Variants in PTPN4 observed in about 807,000 individuals in gnomAD.
PTPN4 encodes the protein tyrosine-protein phosphatase non-receptor type 4.
Under a neutral mutation model 135.5 loss-of-function variants are expected in PTPN4, and 49 were observed. The ratio of observed to expected loss-of-function variants is 0.36; its 90% confidence interval spans 0.29 to 0.46. The LOEUF is 0.46. Ranked by LOEUF, PTPN4 falls within the 20% of genes least tolerant of loss-of-function variation. The pLI is 1.00. For missense variants in PTPN4, 860 were observed against 1,101.0 expected (o/e 0.78, Z 3.10); for synonymous variants, 333 against 369.9 (o/e 0.90, Z 1.14).
At chr2:119,931,433 CTTTTTTTTTTTTTT>C (rs1158907026) in intron 13 of PTPN4, among the ~76,000 whole-genome samples, 1 of 83,366 alleles carries the variant, frequency 1.2e-5, no homozygotes, top group Non-Finnish European at 2.4e-5. Flanking sequence ...TTCTTTCTTT[CTTTTTTTTTTTTTT>C]TTTTTTTTTT....
At chr2:119,781,653 CTTTTTAAG>C (rs1690942022) in intron 1 of PTPN4, among the ~76,000 whole-genome samples, 1 of 152,086 alleles carries the variant, frequency 6.6e-6, no homozygotes, top group Non-Finnish European at 1.5e-5. Flanking sequence ...ACTAAGAATG[CTTTTTAAG>C]TTTTTAAGTT....
chr2:119,916,782 C>T (rs1574403112), intron 11 of PTPN4: 1 of 152,310 alleles, frequency 6.6e-6, no homozygotes, highest in African/African-American at 2.4e-5. Context: ...TCTTTACTGT[C>T]TGCCTTCTTT....
intron 1 of PTPN4, among the ~76,000 whole-genome samples, chr2:119,760,713 T>G (rs1690470929): frequency 6.7e-6 from 1 of 148,526 alleles, no homozygotes; most frequent in African/African-American, 2.5e-5. Context: ...ATCTTGAGTT[T>G]TCCATTGCTG....
At chr2:119,953,972 C>A (rs1437721458) in intron 19 of PTPN4, among the ~76,000 whole-genome samples, 1 of 152,192 alleles carries the variant, frequency 6.6e-6, no homozygotes, top group South Asian at 2.1e-4. Context: ...TAAATTGTTT[C>A]ATAGTCAAAA....
intron 1 of PTPN4, among the ~76,000 whole-genome samples, chr2:119,775,183 A>C (rs1419419657): frequency 6.6e-6 from 1 of 151,550 alleles, no homozygotes; most frequent in Non-Finnish European, 1.5e-5. Context: ...AAGGGAGGAA[A>C]AGATAGGCTA....
chr2:119,766,354 T>C (rs961882349), intron 1 of PTPN4, among the ~76,000 whole-genome samples: 1 of 152,182 alleles, frequency 6.6e-6, no homozygotes, highest in Non-Finnish European at 1.5e-5. Flanking sequence ...TAAGGTAAAC[T>C]TAAGAATTCT....
rs1679653366 is a variant in PTPN4, at chr2:119,978,849, C to G, written c.*1779C>G. The G allele has an allele frequency of 2.6e-5, 4 of 152,040 alleles. No homozygotes were observed. The highest frequency in any genetic ancestry group is 9.7e-5 in the African/African-American group (4 of 41,428). 9.4% of individuals were successfully genotyped at this position (152,040 alleles called of 1,614,324 possible). The stretch of plus-strand genomic sequence containing the variant: ...TGGTATAATCTAAACGATGTCATTT[C>G]AGACATTCAAAACTCATAATAATAA... On this transcript the variant is annotated 3_prime_UTR_variant, in exon 27 of 27. Transcript: ENST00000263708.
At position 119,934,898 on chromosome 2, in the gene PTPN4, T is replaced by A; in HGVS notation, c.1295T>A (p.Phe432Tyr). The change falls in exon 15 of 27, where the codon TTT (phenylalanine) becomes TAT (tyrosine). Residue 432 changes from phenylalanine (F) to tyrosine (Y), a missense_variant. Physicochemically the swap from Phe to Tyr is conservative, Grantham distance 22. This residue lies in a region of PTPN4 where 684 missense variants were observed against 807.0 expected (regional missense o/e 0.85). Transcript: ENST00000263708. ...GTTCATACTTCCCCAAGCGAAGTGT[T>A]TGTAAATCAGAGATCTCCGTCATCA... Reference protein sequence around the residue: ...HMVHTSPSEVFVNQRSPSSTQ... With the variant: ...HMVHTSPSEVYVNQRSPSSTQ... 1.9e-6 allele frequency: 3 copies of A among 1,613,870 alleles called. No individual in the cohort carries two copies. Among genetic ancestry groups the A allele is most frequent in the Non-Finnish European group, 1.7e-6 (2 of 1,179,760 alleles).
At chr2:119,861,048 A>G (rs1202535499) in intron 2 of PTPN4, among the ~76,000 whole-genome samples, 1 of 148,436 alleles carries the variant, frequency 6.7e-6, no homozygotes, top group Non-Finnish European at 1.5e-5. Context: ...CTCCATCTCA[A>G]AAAAAAAAAA....
At chr2:119,914,289 A>C (rs1678618092) in intron 10 of PTPN4, among the ~76,000 whole-genome samples, 3 of 124,410 alleles carry the variant, frequency 2.4e-5, no homozygotes, top group Non-Finnish European at 4.6e-5. Context: ...TTCTGGAAAT[A>C]ATGCCCTCTC....
chr2:119,810,356 C>T (rs1427160464), intron 2 of PTPN4, among the ~76,000 whole-genome samples: 1 of 151,976 alleles, frequency 6.6e-6, no homozygotes, highest in Non-Finnish European at 1.5e-5. Flanking sequence ...AAAATTTTTG[C>T]CAAACAAAAA....
intron 1 of PTPN4, among the ~76,000 whole-genome samples, chr2:119,804,263 C>A (rs1224488313): frequency 6.6e-6 from 1 of 152,036 alleles, no homozygotes; most frequent in Admixed American, 6.6e-5. Flanking sequence ...CAGGTGCATG[C>A]CACCATGCTC....
chr2:119,979,372 T>G lies in PTPN4; in HGVS notation c.*2302T>G, dbSNP rs1185917837. The G allele has an allele frequency of 6.6e-6, 1 of 152,146 alleles. No homozygotes were observed. The highest frequency in any genetic ancestry group is 2.4e-5 in the African/African-American group (1 of 41,464). The allele number at this position is 152,146 out of a possible 1,614,324, so 9.4% of individuals were successfully genotyped here. ...CTTGGCAATGAGCACTGCTGCCTTT[T>G]TAAATCATCAATGCCTGTCTTTAAA... On this transcript the variant is annotated 3_prime_UTR_variant, in exon 27 of 27. Transcript: ENST00000263708.
intron 9 of PTPN4, among the ~76,000 whole-genome samples, chr2:119,890,125 T>C (rs552663702): frequency 2.0e-5 from 3 of 152,304 alleles, no homozygotes; most frequent in East Asian, 3.9e-4. Flanking sequence ...CCTACTATTA[T>C]TGTATTGCAG....
rs142390722 is a variant in PTPN4, at chr2:119,799,119, T to C, written c.-17-10718T>C. ...GGTGAAGTTGTTAGGGACATTTGAATGTTATTTTTCGGCTTCAGATCATTG... is the reference window on the plus strand; with the variant it reads ...GGTGAAGTTGTTAGGGACATTTGAACGTTATTTTTCGGCTTCAGATCATTG... On this transcript the variant is annotated intron_variant, in intron 1 of 26. Transcript: ENST00000263708. Among the ~76,000 whole-genome samples the C allele has an allele frequency of 4.3e-3, 660 of 152,332 alleles. 1 individual carries two copies. Among genetic ancestry groups the C allele is most frequent in the Middle Eastern group, 0.014 (4 of 294 alleles).
intron 2 of PTPN4, among the ~76,000 whole-genome samples, chr2:119,826,689 C>T (rs1294123598): frequency 6.6e-6 from 1 of 152,146 alleles, no homozygotes; most frequent in Non-Finnish European, 1.5e-5. Flanking sequence ...AAACTGTGCT[C>T]TAAGGTTAAT....
intron 1 of PTPN4, among the ~76,000 whole-genome samples, chr2:119,773,701 A>G (rs1206527521): frequency 6.7e-6 from 1 of 149,506 alleles, no homozygotes; most frequent in Admixed American, 6.7e-5. Flanking sequence ...GCACCACTGC[A>G]CTCCAGCCTG....
At chr2:119,947,789 C>CACAT (rs1553474192) in intron 18 of PTPN4, among the ~76,000 whole-genome samples, 52 of 151,840 alleles carry the variant, frequency 3.4e-4, no homozygotes, top group Non-Finnish European at 3.7e-4. Flanking sequence ...CACACACACA[C>CACAT]ACATCAGATT....
intron 15 of PTPN4, among the ~76,000 whole-genome samples, chr2:119,939,959 C>T (rs1338771362): frequency 6.6e-6 from 1 of 152,190 alleles, no homozygotes; most frequent in Non-Finnish European, 1.5e-5. Context: ...CTGTTGTATT[C>T]ATGGCTTCAA....
Sources: allele counts gnomAD v4.1 joint callset (sites outside exome capture counted in the v4.1 genomes callset), GRCh38; gene constraint gnomAD v4.1.1; regional missense constraint gnomAD v4.1.1; transcripts MANE v1.5; gene names NCBI Gene and HGNC (gene_info 2026-07-23, HGNC 2026-07-21).